PLEKHM2: variants seen among roughly 807,000 people sequenced by gnomAD.
PLEKHM2 encodes pleckstrin homology domain-containing family M member 2.
PLEKHM2 carries 77 observed loss-of-function variants against 116.3 expected under a neutral mutation model. That is an observed-to-expected ratio of 0.66 (90% CI 0.55 to 0.80). PLEKHM2 has a LOEUF of 0.80. Ranked by LOEUF, PLEKHM2 falls within the 30% of genes least tolerant of loss-of-function variation. The pLI is 0.00. For synonymous variants in PLEKHM2, 562 were observed against 571.0 expected, an observed-to-expected ratio of 0.98 and a Z score of 0.22; for missense variants, 1,183 against 1,354.9, an observed-to-expected ratio of 0.87 and a Z score of 1.99.
chr1:15,704,721 G>A (rs1641186587), intron 1 of PLEKHM2, among the ~76,000 whole-genome samples: 2 of 152,296 alleles, frequency 1.3e-5, no homozygotes, highest in East Asian at 3.9e-4. Flanking sequence ...CTGCGCCCAT[G>A]TGCTTTCCTC....
At position 15,719,682 on chromosome 1, in the gene PLEKHM2, G is replaced by T. The variant is rs1052574268; in HGVS notation, c.466-52G>T. 4 of 1,306,164 alleles carry T rather than the reference G, an allele frequency of 3.1e-6. No individual in the cohort carries two copies. The Admixed American group carries it at 7.1e-5, about 23-fold the overall frequency. The allele number at this position is 1,306,164 out of a possible 1,614,324, so 80.9% of individuals were successfully genotyped here. A position where few individuals can be genotyped will look rare whatever the true frequency, so the allele number is the denominator to read the frequency against. Reference sequence around the variant, plus strand: ...GGCCTGGATCCTGCTGTCTGCAGAAGGCCGCTGCACGAGGCCTCCCACCAA... The same window carrying T: ...GGCCTGGATCCTGCTGTCTGCAGAATGCCGCTGCACGAGGCCTCCCACCAA... On this transcript the variant is annotated intron_variant, in intron 5 of 19. Transcript: ENST00000375799. The surrounding 1 kb of genome is among the most constrained non-coding windows in gnomAD (Gnocchi z 4.1).
chr1:15,724,316 C>G (rs191077762), intron 7 of PLEKHM2, among the ~76,000 whole-genome samples: 45 of 152,254 alleles, frequency 3.0e-4, no homozygotes, highest in Admixed American at 2.9e-3. Context: ...AACCCCAGCT[C>G]TACTAAAAAT....
At chr1:15,694,576 G>T (rs1330147868) in intron 1 of PLEKHM2, among the ~76,000 whole-genome samples, 6 of 152,002 alleles carry the variant, frequency 3.9e-5, no homozygotes, top group Admixed American at 6.6e-5. Flanking sequence ...ACTTCCATTT[G>T]AGGCAGGTGA....
chr1:15,699,518 G>T (rs189603884), intron 1 of PLEKHM2, among the ~76,000 whole-genome samples: 16 of 152,280 alleles, frequency 1.1e-4, no homozygotes, highest in Admixed American at 9.8e-4. Flanking sequence ...CAAAGGACAT[G>T]AACTCATCCT....
chr1:15,685,902 A>G (rs779893914), intron 1 of PLEKHM2, among the ~76,000 whole-genome samples: 5 of 152,222 alleles, frequency 3.3e-5, no homozygotes, highest in Non-Finnish European at 5.9e-5. Flanking sequence ...TGCTTACTCA[A>G]GGAGGGCAGG....
At position 15,728,279 on chromosome 1, in the gene PLEKHM2, A is replaced by G; in HGVS notation, c.1843A>G (p.Ser615Gly). Residue 615 changes from serine to glycine, a missense_variant, in exon 11 of 20, where the codon AGC becomes GGC. Ser to Gly is a moderately conservative substitution (Grantham distance 56). Around this residue, in one of 3 missense-constraint regions of PLEKHM2, gnomAD observed 594 missense variants for 720.1 expected, o/e 0.82. Coordinates refer to ENST00000375799, the MANE Select transcript of PLEKHM2 (RefSeq NM_015164.4). The surrounding 1 kb of genome is among the most constrained non-coding windows in gnomAD (Gnocchi z 5.9). The part of the protein sequence containing the change: ...EEQLFKMIRM[S>G]TGHMEGNLQL... Reference sequence around the variant, plus strand: ...CTTCGGCCCCCAGATGATCCGGATGAGCACCGGGCACATGGAGGGCAACCT... The same window carrying G: ...CTTCGGCCCCCAGATGATCCGGATGGGCACCGGGCACATGGAGGGCAACCT... The G allele has an allele frequency of 6.2e-7, 1 of 1,613,308 alleles. No individual in the cohort carries two copies. The highest frequency in any genetic ancestry group is 8.5e-7 in the Non-Finnish European group (1 of 1,179,812).
chr1:15,698,541 CTTTCTTTCTTTTT>C (rs1641046220), intron 1 of PLEKHM2, among the ~76,000 whole-genome samples: 1 of 139,022 alleles, frequency 7.2e-6, no homozygotes. Context: ...TTCTTTCTTT[CTTTCTTTCTTTTT>C]TTTTTTTTTT....
At chr1:15,717,346 T>A (rs1299418365) in intron 3 of PLEKHM2, among the ~76,000 whole-genome samples, 1 of 152,146 alleles carries the variant, frequency 6.6e-6, no homozygotes, top group Non-Finnish European at 1.5e-5. Flanking sequence ...CCCAGGAATT[T>A]AAGGCTGTAT....
In PLEKHM2 at chr1:15,712,060, G is replaced by A. The variant is rs143648227; in HGVS notation, c.61-4177G>A. On this transcript the variant is annotated intron_variant, in intron 1 of 19. Transcript: ENST00000375799. ...TTAAACCTGGGAGGCAGAGGTTGCA[G>A]TGAGCCGAGATCACGCCACTGCACT... Among the ~76,000 whole-genome samples, 134 of 148,506 alleles carry A rather than the reference G, an allele frequency of 9.0e-4. 2 individuals carry two copies. In the East Asian group the frequency reaches 0.024, roughly 26 times the overall value.
In PLEKHM2 at chr1:15,728,002, C is replaced by G; in HGVS notation, c.1761-77C>G. ...CTAGTGGGAGGCGGAGGCACTACCC[C>G]CTGGCTCTGGGGTGGGGTGTGGCCT... On this transcript the variant is annotated intron_variant, in intron 9 of 19. Transcript: ENST00000375799. The surrounding 1 kb of genome is among the most constrained non-coding windows in gnomAD (Gnocchi z 5.9). The G allele has an allele frequency of 7.6e-7, 1 of 1,320,542 alleles. No individual in the cohort carries two copies. Among genetic ancestry groups the G allele is most frequent in the Non-Finnish European group, 1.1e-6 (1 of 933,182 alleles). 81.8% of individuals were successfully genotyped at this position (1,320,542 alleles called of 1,614,324 possible).
Position 15,727,436 on chromosome 1 carries a change from G to A in PLEKHM2, c.1364G>A (p.Ser455Asn). The A allele has an allele frequency of 6.2e-7, 1 of 1,606,640 alleles. No homozygotes were observed. The highest frequency in any genetic ancestry group is 8.5e-7 in the Non-Finnish European group (1 of 1,177,262). ...APERPPLCDF[S>N]EGLSAPMDFY... ...GAGAGGCCGCCGCTTTGCGACTTTA[G>A]TGAGGGGCTTTCAGCCCCAATGGAC... Residue 455 changes from serine (S) to asparagine (N), a missense_variant, in exon 9 of 20, where the codon AGT becomes AAT. Transcript: ENST00000375799. The surrounding 1 kb of genome is among the most constrained non-coding windows in gnomAD (Gnocchi z 7.5).
rs147255695 is a variant in PLEKHM2 at position 15,700,671 on chromosome 1, T to C, written c.61-15566T>C. 7.3e-4 allele frequency among the ~76,000 whole-genome samples: 111 copies of C among 152,330 alleles called. 1 individual carries two copies. The highest frequency in any genetic ancestry group is 1.4e-3 in the Non-Finnish European group (93 of 68,026). On this transcript the variant is annotated intron_variant, in intron 1 of 19. Transcript: ENST00000375799. ...GGAGGCCCCAGGAAACTCTGCTTCC[T>C]AACCAAATGGTTTCTAAGGGCTCTT...
chr1:15,682,638 CAAAACAAAA>C (rs1640671321), upstream of PLEKHM2, among the ~76,000 whole-genome samples: 4 of 70,790 alleles, frequency 5.7e-5, no homozygotes, highest in Admixed American at 3.2e-4. Flanking sequence ...CAAAACAAAA[CAAAACAAAA>C]AAAACAAAAA....
chr1:15,698,171 C>A (rs1322942046), intron 1 of PLEKHM2, among the ~76,000 whole-genome samples: 1 of 152,130 alleles, frequency 6.6e-6, no homozygotes, highest in South Asian at 2.1e-4. Flanking sequence ...TAAGACATCG[C>A]TGAAGGACAG....
At chr1:15,693,830 C>G (rs1164717734) in intron 1 of PLEKHM2, among the ~76,000 whole-genome samples, 1 of 152,144 alleles carries the variant, frequency 6.6e-6, no homozygotes, top group Non-Finnish European at 1.5e-5. Context: ...AGCTGGTGTT[C>G]AGTTCGTGAC....
chr1:15,727,015 G>A lies in PLEKHM2; in HGVS notation c.943G>A (p.Val315Ile). ...CTCTCCCCGTCGTTACTGTCCCAGG[G>A]TCACCAAGAAGAAGAAAATTGGCAA... ...DACTELEVIRVTKKKKIGKKK... is the reference protein window; with the variant it reads ...DACTELEVIRITKKKKIGKKK... The change falls in exon 9 of 20, where the codon GTC (valine) becomes ATC (isoleucine). Residue 315 changes from valine to isoleucine, a missense_variant and splice_region_variant. This residue lies in a region of PLEKHM2 where 372 missense variants were observed against 357.2 expected (regional missense o/e 1.04). Transcript: ENST00000375799. The surrounding 1 kb of genome is among the most constrained non-coding windows in gnomAD (Gnocchi z 7.5). 1 of 1,469,816 alleles carries A rather than the reference G, an allele frequency of 6.8e-7. No homozygotes were observed. Among genetic ancestry groups the A allele is most frequent in the Non-Finnish European group, 9.0e-7 (1 of 1,109,478 alleles). The allele number at this position is 1,469,816 out of a possible 1,614,324, so 91.0% of individuals were successfully genotyped here.
rs12044328 is a variant in PLEKHM2, at chr1:15,690,176, C to A, written c.60+5558C>A. ...CCTCCTCCTGGGTTCAAGCAATTCT[C>A]GTGCCTCAACCTCCAAGTAGCTGGG... is the stretch of plus-strand genomic sequence containing the variant. On this transcript the variant is annotated intron_variant, in intron 1 of 19. Coordinates refer to ENST00000375799, the MANE Select transcript of PLEKHM2 (RefSeq NM_015164.4). Among the ~76,000 whole-genome samples, 23 of 151,944 alleles carry A rather than the reference C, an allele frequency of 1.5e-4. No homozygotes were observed. The East Asian group carries it at 3.7e-3, about 24-fold the overall frequency.
chr1:15,714,511 G>T (rs1174218869), intron 1 of PLEKHM2, among the ~76,000 whole-genome samples: 1 of 152,126 alleles, frequency 6.6e-6, no homozygotes, highest in Non-Finnish European at 1.5e-5. Context: ...GCTCTGATTT[G>T]CCTGCCTCTG....
At chr1:15,698,637 T>G (rs1641051021) in intron 1 of PLEKHM2, among the ~76,000 whole-genome samples, 1 of 149,114 alleles carries the variant, frequency 6.7e-6, no homozygotes, top group South Asian at 2.2e-4. Flanking sequence ...AACCTCTGCC[T>G]CCTGGGTTCA....
Sources: gnomAD v4.1 joint callset for allele counts (sites outside exome capture counted in the v4.1 genomes callset) on GRCh38, gnomAD v4.1.1 for gene constraint, gnomAD v4.1.1 regional missense constraint, Gnocchi (gnomAD v3.1) non-coding constraint, MANE v1.5 for transcripts, NCBI Gene and HGNC (gene_info 2026-07-23, HGNC 2026-07-21) for gene names.